Variants in PYHIN1 observed in about 807,000 individuals in gnomAD.
PYHIN1 encodes pyrin and HIN domain family member 1.
In PYHIN1, 32 loss-of-function variants were observed where a neutral mutation model predicts 43.7. The ratio of observed to expected loss-of-function variants is 0.73; its 90% CI spans 0.55 to 0.98. The LOEUF (loss-of-function observed/expected upper bound fraction) is 0.98. Among genes scored for constraint, PYHIN1 ranks in the 50% least tolerant of loss-of-function variants. The pLI is 0.00. For synonymous variants in PYHIN1, 205 were observed against 203.1 expected (o/e 1.01, Z -0.08); for missense variants, 588 against 589.5 (o/e 1.00, Z 0.03).
intron 1 of PYHIN1, among the ~76,000 whole-genome samples, chr1:158,934,502 G>T (rs1648386698): frequency 6.6e-6 from 1 of 151,876 alleles, no homozygotes; most frequent in Non-Finnish European, 1.5e-5. Context: ...GTGATCTAAA[G>T]CCTTCATTCT....
At chr1:158,942,887 G>A (rs1365836926) in intron 5 of PYHIN1, among the ~76,000 whole-genome samples, 1 of 152,118 alleles carries the variant, frequency 6.6e-6, no homozygotes, top group Non-Finnish European at 1.5e-5. Context: ...TAAACAGGTA[G>A]GACAATGTTC....
intron 7 of PYHIN1, among the ~76,000 whole-genome samples, chr1:158,952,752 C>CA (rs920334552): frequency 3.3e-5 from 5 of 152,082 alleles, no homozygotes; most frequent in African/African-American, 1.2e-4. Flanking sequence ...AGGGAGGAGC[C>CA]AAGATGGCCG....
chr1:158,942,270 A>G lies in PYHIN1; in HGVS notation c.873A>G (p.Glu291=), dbSNP rs757027328. 1 of 1,614,120 alleles carries G rather than the reference A, an allele frequency of 6.2e-7. No individual in the cohort carries two copies. The highest frequency in any genetic ancestry group is 1.7e-5 in the Admixed American group (1 of 60,016). The change falls in exon 5 of 9, where the codon GAA becomes GAG. Residue 291 remains glutamate, a synonymous_variant. Transcript: ENST00000368140. ...LEVNEASSVS[E]AGPDQTFEVP... ...TGAATGAAGCCTCTTCTGTATCTGAAGCTGGTCCTGACCAAACGTTTGAGG... is the reference window on the plus strand; with the variant it reads ...TGAATGAAGCCTCTTCTGTATCTGAGGCTGGTCCTGACCAAACGTTTGAGG...
rs1649226287 is a variant in PYHIN1, at chr1:158,946,505, A to G, written c.1359+1463A>G. On this transcript the variant is annotated intron_variant, in intron 7 of 8. Transcript: ENST00000368140. ...AGACTACAAAACAGCAGAATTCTGC[A>G]TCTGGAATTGTGGATTTGAAAGAAT... Among the ~76,000 whole-genome samples the G allele has an allele frequency of 2.0e-5, 3 of 152,190 alleles. No homozygotes were observed. The South Asian group carries it at 6.2e-4, about 31-fold the overall frequency.
intron 7 of PYHIN1, among the ~76,000 whole-genome samples, chr1:158,957,757 G>C (rs1156982786): frequency 1.4e-5 from 2 of 145,400 alleles, no homozygotes; most frequent in Admixed American, 1.4e-4. Context: ...TGACAAATGG[G>C]ATCTAATTAA....
chr1:158,939,483 G>A (rs1299795625), intron 4 of PYHIN1: 1 of 1,550,850 alleles, frequency 6.4e-7, no homozygotes, highest in Non-Finnish European at 8.7e-7. Flanking sequence ...ACAGAGAACT[G>A]CGGAATCTGG....
chr1:158,948,767 G>C (rs1649361471), intron 7 of PYHIN1, among the ~76,000 whole-genome samples: 1 of 152,178 alleles, frequency 6.6e-6, no homozygotes, highest in Non-Finnish European at 1.5e-5. Flanking sequence ...GACGTTCTAA[G>C]GTGGCAAGGG....
At chr1:158,946,155 A>G (rs1450905008) in intron 7 of PYHIN1, among the ~76,000 whole-genome samples, 2 of 152,224 alleles carry the variant, frequency 1.3e-5, no homozygotes, top group Non-Finnish European at 2.9e-5. Flanking sequence ...GGCTTCTCAA[A>G]AATAATGAGG....
chr1:158,968,765 C>CA (rs1279832361), intron 7 of PYHIN1, among the ~76,000 whole-genome samples: 5 of 151,976 alleles, frequency 3.3e-5, no homozygotes, highest in African/African-American at 7.2e-5. Flanking sequence ...TACACAGCCA[C>CA]AAAAAACAAT....
rs769420436 is a variant in PYHIN1, at chr1:158,943,874, A to G, written c.1087A>G (p.Asn363Asp). 1 of 1,611,084 alleles carries G rather than the reference A, an allele frequency of 6.2e-7. No individual in the cohort carries two copies. The highest frequency in any genetic ancestry group is 8.5e-7 in the Non-Finnish European group (1 of 1,177,898). ...TGTAGTAGGAAAAGGAGAATGCCAC[A>G]ATATCCCCTGTGAAAAAGGAGATAA... ...MAVVGKGECH[N>D]IPCEKGDKLR... The change falls in exon 6 of 9, where the codon AAT (asparagine) becomes GAT (aspartate). Residue 363 changes from asparagine to aspartate, a missense_variant. Transcript: ENST00000368140.
At chr1:158,972,292 C>T (rs1429677921) in intron 7 of PYHIN1, among the ~76,000 whole-genome samples, 1 of 152,064 alleles carries the variant, frequency 6.6e-6, no homozygotes, top group Non-Finnish European at 1.5e-5. Context: ...TGTTGCCATT[C>T]TTTGTGCCTC....
chr1:158,978,030 C>G (rs569922194), downstream of PYHIN1, among the ~76,000 whole-genome samples: 1 of 152,230 alleles, frequency 6.6e-6, no homozygotes, highest in African/African-American at 2.4e-5. Context: ...TGATCTGAAG[C>G]TATATATGCC....
chr1:158,955,859 G>C (rs1649886796), intron 7 of PYHIN1, among the ~76,000 whole-genome samples: 1 of 76,482 alleles, frequency 1.3e-5, no homozygotes. Context: ...CCGCTAGCAA[G>C]ACTAATAAAG....
intron 7 of PYHIN1, among the ~76,000 whole-genome samples, chr1:158,965,193 A>G (rs1047286657): frequency 2.0e-5 from 3 of 152,188 alleles, no homozygotes; most frequent in African/African-American, 7.2e-5. Context: ...AGACCTAACT[A>G]CCTTGAATAT....
At chr1:158,937,361 T>C (rs1318083186) in intron 2 of PYHIN1, among the ~76,000 whole-genome samples, 186 bp downstream of exon 2, 1 of 152,162 alleles carries the variant, frequency 6.6e-6, no homozygotes, top group East Asian at 1.9e-4. Context: ...CTAAAGTGGA[T>C]TGACGTATAT....
the PYHIN1 span, among the ~76,000 whole-genome samples, chr1:158,989,163 G>C: frequency 1.3e-5 from 2 of 152,138 alleles, no homozygotes; most frequent in Non-Finnish European, 2.9e-5. Flanking sequence ...AGATTTTCAG[G>C]TTCACAGATG....
intron 7 of PYHIN1, among the ~76,000 whole-genome samples, chr1:158,971,103 C>G (rs1184522338): frequency 6.6e-6 from 1 of 151,870 alleles, no homozygotes; most frequent in Non-Finnish European, 1.5e-5. Context: ...TTTTTATAAT[C>G]CAGACTCTTC....
chr1:158,963,253 A>G (rs1012873621), intron 7 of PYHIN1, among the ~76,000 whole-genome samples: 1 of 152,068 alleles, frequency 6.6e-6, no homozygotes, highest in Non-Finnish European at 1.5e-5. Context: ...AACTCAGTCT[A>G]TCTCTCTTGT....
chr1:158,950,253 A>T (rs1450952600), intron 7 of PYHIN1, among the ~76,000 whole-genome samples: 1 of 152,246 alleles, frequency 6.6e-6, no homozygotes, highest in Non-Finnish European at 1.5e-5. Flanking sequence ...AATGTACAAC[A>T]GAAAGCATAG....
Sources: gnomAD v4.1 joint callset for allele counts (sites outside exome capture counted in the v4.1 genomes callset) on GRCh38, gnomAD v4.1.1 for gene constraint, MANE v1.5 for transcripts, NCBI Gene and HGNC (gene_info 2026-07-23, HGNC 2026-07-21) for gene names.